The following GRIP1 variants were observed in gnomAD, a reference collection of about 807,000 sequenced individuals.
GRIP1 encodes glutamate receptor-interacting protein 1.
Under a neutral mutation model 129.9 loss-of-function variants are expected in GRIP1, and 45 were observed. The ratio of observed to expected loss-of-function variants is 0.35; its 90% CI spans 0.27 to 0.44. GRIP1 has a LOEUF of 0.44. GRIP1 is among the 20% of genes least tolerant of loss of function. GRIP1 has a pLI of 1.00. For missense variants in GRIP1, 1,196 were observed against 1,396.8 expected, an observed-to-expected ratio of 0.86 and a Z score of 2.29; for synonymous variants, 530 against 520.8, an observed-to-expected ratio of 1.02 and a Z score of -0.24.
chr12:66,786,685 G>C (rs2038356324), intron 1 of GRIP1, among the ~76,000 whole-genome samples: 1 of 152,098 alleles, frequency 6.6e-6, no homozygotes, highest in Non-Finnish European at 1.5e-5. Flanking sequence ...GAGAGCCTTG[G>C]TCTATTGGCT....
intron 1 of GRIP1, among the ~76,000 whole-genome samples, chr12:67,068,853 GCCCCC>G (rs57351839): frequency 0.023 from 273 of 11,770 alleles, 3 homozygotes; most frequent in African/African-American, 0.074. Flanking sequence ...CTCTCATCCC[GCCCCC>G]CCCCCCCCCC....
intron 1 of GRIP1, among the ~76,000 whole-genome samples, chr12:66,802,055 A>G (rs1426631429): frequency 6.6e-6 from 1 of 152,116 alleles, no homozygotes; most frequent in African/African-American, 2.4e-5. Flanking sequence ...ATGTAAGTGG[A>G]TGTCTCCCCT....
chr12:66,588,102 C>T (rs889521313), intron 2 of GRIP1, among the ~76,000 whole-genome samples: 1 of 151,984 alleles, frequency 6.6e-6, no homozygotes, highest in South Asian at 2.1e-4. Context: ...TGTTATTTTA[C>T]AGCTTTGCAT....
chr12:66,502,997 A>T (rs1429960207), intron 7 of GRIP1, among the ~76,000 whole-genome samples: 2 of 152,120 alleles, frequency 1.3e-5, no homozygotes, highest in Non-Finnish European at 2.9e-5. Flanking sequence ...ACCTACGAGG[A>T]ATGTCAGGTG....
chr12:66,757,080 T>C (rs1157669849), intron 1 of GRIP1, among the ~76,000 whole-genome samples: 1 of 152,248 alleles, frequency 6.6e-6, no homozygotes, highest in Non-Finnish European at 1.5e-5. Context: ...CAAGCATTTA[T>C]CATTTCTTTA....
intron 1 of GRIP1, among the ~76,000 whole-genome samples, chr12:67,064,574 C>T (rs1392242616): frequency 6.6e-6 from 1 of 152,144 alleles, no homozygotes; most frequent in Non-Finnish European, 1.5e-5. Flanking sequence ...TCTTTGCTTT[C>T]TTCTCTTTTA....
intron 1 of GRIP1, among the ~76,000 whole-genome samples, chr12:66,938,824 G>C (rs2041533732): frequency 6.6e-6 from 1 of 152,256 alleles, no homozygotes; most frequent in East Asian, 1.9e-4. Context: ...AGGCGTGGTG[G>C]TGCATGCCTG....
chr12:66,722,274 T>C (rs897204802), intron 1 of GRIP1, among the ~76,000 whole-genome samples: 3 of 152,158 alleles, frequency 2.0e-5, no homozygotes, highest in East Asian at 1.9e-4. Flanking sequence ...CTGCATTCAG[T>C]TGAACACTTA....
chr12:66,679,444 CAAAAAAAAAA>C (rs10691128), upstream of GRIP1, among the ~76,000 whole-genome samples: 5 of 117,442 alleles, frequency 4.3e-5, no homozygotes, highest in African/African-American at 9.7e-5. Flanking sequence ...AAACAACAAC[CAAAAAAAAAA>C]AAAAAAAAAA....
intron 2 of GRIP1, among the ~76,000 whole-genome samples, chr12:66,589,674 T>C (rs1020517715): frequency 6.6e-6 from 1 of 152,164 alleles, no homozygotes; most frequent in African/African-American, 2.4e-5. Context: ...ACGATAAACC[T>C]AAGTAAAGAA....
intron 1 of GRIP1, among the ~76,000 whole-genome samples, chr12:66,839,273 G>A (rs2039672641): frequency 6.6e-6 from 1 of 152,094 alleles, no homozygotes; most frequent in Non-Finnish European, 1.5e-5. Flanking sequence ...CCCAATCAGT[G>A]ATTCTGGAGT....
intron 2 of GRIP1, among the ~76,000 whole-genome samples, chr12:66,550,735 C>T (rs1017570164): frequency 2.0e-5 from 3 of 152,194 alleles, no homozygotes; most frequent in African/African-American, 7.2e-5. Flanking sequence ...GCACCCACAT[C>T]TATCAGTCAC....
intron 2 of GRIP1, among the ~76,000 whole-genome samples, chr12:66,547,575 G>A (rs926781728): frequency 4.6e-5 from 7 of 152,226 alleles, no homozygotes; most frequent in African/African-American, 9.6e-5. Flanking sequence ...TCTATACCAC[G>A]GAATACTTCT....
At chr12:66,353,143 C>T (rs768405952) in intron 24 of GRIP1, among the ~76,000 whole-genome samples, 6 of 152,022 alleles carry the variant, frequency 3.9e-5, no homozygotes, top group Admixed American at 6.6e-5. Flanking sequence ...GGGAGATGAC[C>T]GTGGTTGGGT....
At chr12:66,596,963 A>G in intron 1 of GRIP1, 36 bp from the exon 2 acceptor site, 1 of 1,382,744 alleles carries the variant, frequency 7.2e-7, no homozygotes, top group Non-Finnish European at 1.0e-6. Flanking sequence ...GTTAATTTCC[A>G]TCCAGTTTCT....
At chr12:66,356,837 C>T (rs569629585) in intron 23 of GRIP1, among the ~76,000 whole-genome samples, 7 of 152,230 alleles carry the variant, frequency 4.6e-5, no homozygotes, top group African/African-American at 1.7e-4. Flanking sequence ...TCCATAATTT[C>T]CCCAATTGTC....
At chr12:66,455,926 CCTGAGAACATTGT>C (rs2058946732) in intron 10 of GRIP1, among the ~76,000 whole-genome samples, 1 of 152,172 alleles carries the variant, frequency 6.6e-6, no homozygotes, top group African/African-American at 2.4e-5. Context: ...ACAAAGAAGA[CCTGAGAACATTGT>C]CTCTGTATAA....
At chr12:66,590,352 A>G (rs774426580) in intron 2 of GRIP1, among the ~76,000 whole-genome samples, 32 of 152,342 alleles carry the variant, frequency 2.1e-4, no homozygotes, top group Non-Finnish European at 3.5e-4. Context: ...AAGTTCAAAC[A>G]TAATAGACTG....
rs546307366 is a variant in GRIP1 at position 66,359,109 on chromosome 12, G to T, written c.3013-5546C>A. On this transcript the variant is annotated intron_variant, in intron 23 of 24. Coordinates refer to ENST00000359742, the MANE Select transcript of GRIP1 (RefSeq NM_001366722.1). ...CTATCTCCATTCCACTTGCAACTAGGTACAGAGGTGCAGTCCTGCAGACTC... is the reference window on the plus strand; with the variant it reads ...CTATCTCCATTCCACTTGCAACTAGTTACAGAGGTGCAGTCCTGCAGACTC... Among the ~76,000 whole-genome samples the T allele has an allele frequency of 3.3e-5, 5 of 152,264 alleles. No individual in the cohort carries two copies. The East Asian group carries it at 9.7e-4, about 29-fold the overall frequency.
Sources: allele counts gnomAD v4.1 joint callset (sites outside exome capture counted in the v4.1 genomes callset), GRCh38; gene constraint gnomAD v4.1.1; transcripts MANE v1.5; gene names NCBI Gene and HGNC (gene_info 2026-07-23, HGNC 2026-07-21).